ERBB4: variants seen among roughly 807,000 people sequenced by gnomAD.
The protein encoded by ERBB4 is erb-b2 receptor tyrosine kinase 4.
Under a neutral mutation model 158.0 loss-of-function variants are expected in ERBB4, and 42 were observed. That is an observed-to-expected ratio of 0.27 (90% CI 0.21 to 0.34). The LOEUF (loss-of-function observed/expected upper bound fraction) is 0.34, where lower values mean the gene tolerates loss of function less well. Among genes scored for constraint, ERBB4 ranks in the 10% least tolerant of loss-of-function variants. The probability of loss-of-function intolerance (pLI) is 1.00; values close to 1 mark genes in which losing one functional copy is unlikely to be tolerated. For missense variants in ERBB4, 1,333 were observed against 1,624.1 expected, an observed-to-expected ratio of 0.82 and a Z score of 3.08; for synonymous variants, 583 against 558.7, an observed-to-expected ratio of 1.04 and a Z score of -0.61.
chr2:212,250,131 A>G (rs2084476738), intron 1 of ERBB4, among the ~76,000 whole-genome samples: 1 of 152,020 alleles, frequency 6.6e-6, no homozygotes, highest in Admixed American at 6.6e-5. Flanking sequence ...TAAGAAAAAT[A>G]CTTTAGATGT....
intron 20 of ERBB4, among the ~76,000 whole-genome samples, chr2:211,505,682 T>G (rs1206181941): frequency 6.6e-6 from 1 of 152,088 alleles, no homozygotes; most frequent in African/African-American, 2.4e-5. Flanking sequence ...AGACAGGGGC[T>G]GGGCATGGTG....
chr2:212,491,940 G>T (rs1217334215), intron 1 of ERBB4, among the ~76,000 whole-genome samples: 1 of 151,216 alleles, frequency 6.6e-6, no homozygotes, highest in Non-Finnish European at 1.5e-5. Context: ...ATTCTTTGTT[G>T]TACACAATGT....
intron 4 of ERBB4, among the ~76,000 whole-genome samples, chr2:211,776,192 CTGGAGTTTTTTACAACTTAGA>C (rs1244151783): frequency 1.3e-5 from 2 of 152,134 alleles, no homozygotes; most frequent in Admixed American, 6.6e-5. Context: ...TTGATTTCAG[CTGGAGTTTTTTACAACTTAGA>C]TGGAGTTTTT....
At chr2:212,034,154 C>A (rs1316329822) in intron 2 of ERBB4, among the ~76,000 whole-genome samples, 2 of 151,702 alleles carry the variant, frequency 1.3e-5, no homozygotes, top group East Asian at 1.9e-4. Context: ...TTAAAAAAAA[C>A]CCTTTGTGTC....
At chr2:212,249,369 T>C (rs1039575889) in intron 1 of ERBB4, among the ~76,000 whole-genome samples, 1 of 147,972 alleles carries the variant, frequency 6.8e-6, no homozygotes, top group Non-Finnish European at 1.5e-5. Flanking sequence ...GTAGGAAGAC[T>C]CTAGATAATT....
At chr2:212,501,127 G>C (rs1325795115) in intron 1 of ERBB4, among the ~76,000 whole-genome samples, 1 of 152,166 alleles carries the variant, frequency 6.6e-6, no homozygotes, top group Non-Finnish European at 1.5e-5. Flanking sequence ...ACCAGTAGCA[G>C]AGTCTTTAAT....
At chr2:211,882,880 T>G (rs1028391082) in intron 3 of ERBB4, among the ~76,000 whole-genome samples, 9 of 152,200 alleles carry the variant, frequency 5.9e-5, no homozygotes, top group Non-Finnish European at 1.0e-4. Flanking sequence ...CCATATCTAT[T>G]ACCTATCTCC....
At chr2:212,415,034 C>T (rs1455199414) in intron 1 of ERBB4, among the ~76,000 whole-genome samples, 1 of 152,100 alleles carries the variant, frequency 6.6e-6, no homozygotes, top group Non-Finnish European at 1.5e-5. Context: ...CAAATGAGTC[C>T]TTGAATCTAT....
At chr2:212,412,925 T>C (rs4673664) in intron 1 of ERBB4, among the ~76,000 whole-genome samples, 89,374 of 151,990 alleles carry the variant, frequency 0.59, 27,416 homozygotes, top group African/African-American at 0.74. Context: ...TCCCTCTGTA[T>C]TGGTTTGTGA....
At chr2:212,329,263 C>T (rs2088011638) in intron 1 of ERBB4, among the ~76,000 whole-genome samples, 2 of 151,806 alleles carry the variant, frequency 1.3e-5, no homozygotes, top group Admixed American at 1.3e-4. Context: ...AGGCCTCTTG[C>T]CTGAAGGACA....
In ERBB4 at chr2:212,009,567, C is replaced by T. The variant is rs181241935; in HGVS notation, c.235-61951G>A. ...TTGTTGTATGTTGTTACAGTGGCCA[C>T]AGGAAGCTAATATAGCTACCAAATC... is the stretch of plus-strand genomic sequence containing the variant. On this transcript the variant is annotated intron_variant, in intron 2 of 27. Transcript: ENST00000342788. Among the ~76,000 whole-genome samples the T allele has an allele frequency of 2.2e-3, 337 of 152,164 alleles. 5 individuals carry two copies. Among genetic ancestry groups the T allele is most frequent in the Admixed American group, 0.014 (214 of 15,270 alleles).
At position 211,536,345 on chromosome 2, in the gene ERBB4, T is replaced by C. The variant is rs1052031957; in HGVS notation, c.2487+25558A>G. Among the ~76,000 whole-genome samples the C allele has an allele frequency of 2.7e-5, 4 of 148,974 alleles. No individual in the cohort carries two copies. In the South Asian group the frequency reaches 6.5e-4, roughly 24 times the overall value. ...AATCTATTTTGTCAGAACAAATAAA[T>C]AGAAGTCATTGGGTATGGAAATCAA... On this transcript the variant is annotated intron_variant, in intron 20 of 27. Transcript: ENST00000342788.
At chr2:212,531,657 G>A (rs1692764168) in intron 1 of ERBB4, among the ~76,000 whole-genome samples, 1 of 152,002 alleles carries the variant, frequency 6.6e-6, no homozygotes, top group African/African-American at 2.4e-5. Context: ...AGCATTCATA[G>A]TACTTATTTT....
At chr2:212,273,023 A>G (rs2085399309) in intron 1 of ERBB4, among the ~76,000 whole-genome samples, 1 of 151,694 alleles carries the variant, frequency 6.6e-6, no homozygotes, top group South Asian at 2.1e-4. Context: ...CACACTGTTT[A>G]TTGAAATATT....
chr2:212,373,135 C>A (rs1326368141), intron 1 of ERBB4, among the ~76,000 whole-genome samples: 1 of 152,080 alleles, frequency 6.6e-6, no homozygotes, highest in Non-Finnish European at 1.5e-5. Context: ...ATCTCAGATT[C>A]TCTGTAAATC....
intron 20 of ERBB4, among the ~76,000 whole-genome samples, chr2:211,506,246 C>T (rs551438756): frequency 1.3e-5 from 2 of 152,092 alleles, no homozygotes; most frequent in East Asian, 3.9e-4. Context: ...AACACTGGAG[C>T]ACCCAGATTC....
At chr2:212,404,370 C>T (rs1276551312) in intron 1 of ERBB4, among the ~76,000 whole-genome samples, 2 of 151,966 alleles carry the variant, frequency 1.3e-5, no homozygotes, top group Admixed American at 6.6e-5. Context: ...TCACTCTTCC[C>T]GTTGTTCCCA....
At chr2:211,606,623 T>C (rs777993258) in intron 19 of ERBB4, among the ~76,000 whole-genome samples, 1 of 152,022 alleles carries the variant, frequency 6.6e-6, no homozygotes, top group Non-Finnish European at 1.5e-5. Flanking sequence ...GTGAAAAGAA[T>C]AACAGAACAT....
At chr2:212,007,028 ATAC>A (rs766140419) in intron 2 of ERBB4, among the ~76,000 whole-genome samples, 7 of 152,080 alleles carry the variant, frequency 4.6e-5, no homozygotes, top group Non-Finnish European at 7.4e-5. Flanking sequence ...AAATATGGTT[ATAC>A]TACTATTACT....
Sources: allele counts gnomAD v4.1 joint callset (sites outside exome capture counted in the v4.1 genomes callset), GRCh38; gene constraint gnomAD v4.1.1; transcripts MANE v1.5; gene names NCBI Gene and HGNC (gene_info 2026-07-23, HGNC 2026-07-21).